LRRC14: variants seen among roughly 807,000 people sequenced by gnomAD.
LRRC14 encodes the protein leucine rich repeat containing 14.
Under a neutral mutation model 25.3 loss-of-function variants are expected in LRRC14, and 16 were observed. That is an observed-to-expected ratio of 0.63 (90% CI 0.43 to 0.96). The LOEUF (loss-of-function observed/expected upper bound fraction) is 0.96. Among genes scored for constraint, LRRC14 ranks in the 40% least tolerant of loss-of-function variants. The probability of loss-of-function intolerance (pLI) is 0.00; values close to 1 mark genes in which losing one functional copy is unlikely to be tolerated. For synonymous variants in LRRC14, 359 were observed against 295.1 expected, an observed-to-expected ratio of 1.22 and a Z score of -2.22; for missense variants, 594 against 660.5, an observed-to-expected ratio of 0.90 and a Z score of 1.10.
chr8:144,522,672 AG>A lies in LRRC14; in HGVS notation c.*1195del. The A allele has an allele frequency of 6.3e-7, 1 of 1,595,770 alleles. No homozygotes were observed. Among genetic ancestry groups the A allele is most frequent in the Non-Finnish European group, 8.5e-7 (1 of 1,172,440 alleles). On this transcript the variant is annotated 3_prime_UTR_variant, in exon 4 of 4. Transcript: ENST00000292524. ...GCGAACGTACAGGGGCCGTCCAAGTAGTCGTTGACGAACAGCGCTCCCTCCC... is the reference window on the plus strand; with the variant it reads ...GCGAACGTACAGGGGCCGTCCAAGTATCGTTGACGAACAGCGCTCCCTCCC...
chr8:144,524,917 C>A lies in LRRC14; in HGVS notation c.*3439C>A. 1 of 1,513,514 alleles carries A rather than the reference C, an allele frequency of 6.6e-7. No individual in the cohort carries two copies. The highest frequency in any genetic ancestry group is 1.2e-5 in the South Asian group (1 of 82,674). The allele number at this position is 1,513,514 out of a possible 1,614,324, so 93.8% of individuals were successfully genotyped here. On this transcript the variant is annotated 3_prime_UTR_variant, in exon 4 of 4. Transcript: ENST00000292524. ...CGGCAGGCTGCTGGGCAGCCGGCGG[C>A]GCGGAGCGGCAGTAGTAGCAGCAGC...
chr8:144,519,688 C>A lies in LRRC14; in HGVS notation c.-38C>A. The A allele has an allele frequency of 6.5e-7, 1 of 1,544,916 alleles. No homozygotes were observed. Among genetic ancestry groups the A allele is most frequent in the Non-Finnish European group, 8.8e-7 (1 of 1,138,440 alleles). ...TAGGGTCTCTCCTCCCTGCTGAAGT[C>A]CCTCTCCTGCAGGTGGCCGTCTGCC... On this transcript the variant is annotated 5_prime_UTR_variant, in exon 2 of 4. Coordinates refer to ENST00000292524, the MANE Select transcript of LRRC14 (RefSeq NM_014665.4).
chr8:144,519,584 T>C, intron 1 of LRRC14, 31 bp from the exon 2 acceptor site: 1 of 713,516 alleles, frequency 1.4e-6, no homozygotes, highest in African/African-American at 1.7e-5. Context: ...CTCTGTGCCA[T>C]GGCCACTGCT....
Position 144,524,920 on chromosome 8 carries a change from G to A in LRRC14, c.*3442G>A, listed in dbSNP as rs539958520. 3.3e-5 allele frequency: 50 copies of A among 1,513,628 alleles called. No individual in the cohort carries two copies. The Middle Eastern group carries it at 1.4e-3, about 42-fold the overall frequency. 93.8% of individuals were successfully genotyped at this position (1,513,628 alleles called of 1,614,324 possible). A position where few individuals can be genotyped will look rare whatever the true frequency, so the allele number is the denominator to read the frequency against. On this transcript the variant is annotated 3_prime_UTR_variant, in exon 4 of 4. Transcript: ENST00000292524. ...CAGGCTGCTGGGCAGCCGGCGGCGCGGAGCGGCAGTAGTAGCAGCAGCAGC... is the reference window on the plus strand; with the variant it reads ...CAGGCTGCTGGGCAGCCGGCGGCGCAGAGCGGCAGTAGTAGCAGCAGCAGC...
In LRRC14 at chr8:144,523,206, C is replaced by T. The variant is rs781225532; in HGVS notation, c.*1728C>T. 1.9e-6 allele frequency: 3 copies of T among 1,609,418 alleles called. No individual in the cohort carries two copies. In the South Asian group the frequency reaches 3.3e-5, roughly 18 times the overall value. On this transcript the variant is annotated 3_prime_UTR_variant, in exon 4 of 4. Transcript: ENST00000292524. Reference sequence around the variant, plus strand: ...ACCCGCAGGTCCTCACCCAGGTTGGCTGTGAGCTCCAGCGGCTGCACGTGG... The same window carrying T: ...ACCCGCAGGTCCTCACCCAGGTTGGTTGTGAGCTCCAGCGGCTGCACGTGG...
chr8:144,520,421 G>A lies in LRRC14; in HGVS notation c.513G>A (p.Leu171=). ...APIPVEVRVD[L]RVNRASYAFL... ...TCCCCGTGGAGGTGCGCGTGGACCTGCGGGTGAACCGGGCCTCCTATGCGT... is the reference window on the plus strand; with the variant it reads ...TCCCCGTGGAGGTGCGCGTGGACCTACGGGTGAACCGGGCCTCCTATGCGT... Residue 171 remains leucine, a synonymous_variant, in exon 3 of 4, where the codon CTG becomes CTA. Coordinates refer to ENST00000292524, the MANE Select transcript of LRRC14 (RefSeq NM_014665.4). 6.2e-7 allele frequency: 1 copy of A among 1,601,766 alleles called. No homozygotes were observed. The highest frequency in any genetic ancestry group is 8.5e-7 in the Non-Finnish European group (1 of 1,175,752).
Position 144,522,731 on chromosome 8 carries a change from C to G in LRRC14, c.*1253C>G, listed in dbSNP as rs755974916. 2.5e-6 allele frequency: 4 copies of G among 1,591,776 alleles called. No homozygotes were observed. The African/African-American group carries it at 5.4e-5, about 22-fold the overall frequency. On this transcript the variant is annotated 3_prime_UTR_variant, in exon 4 of 4. Transcript: ENST00000292524. Reference sequence around the variant, plus strand: ...CCCCCGCGCCTTTTTTCGCCTGCGGCGCCGGCGACAGATCATGGCGACCAG... The same window carrying G: ...CCCCCGCGCCTTTTTTCGCCTGCGGGGCCGGCGACAGATCATGGCGACCAG...
At position 144,523,633 on chromosome 8, in the gene LRRC14, C is replaced by A; in HGVS notation, c.*2155C>A. The A allele has an allele frequency of 3.6e-6, 2 of 558,636 alleles. No homozygotes were observed. Among genetic ancestry groups the A allele is most frequent in the Admixed American group, 3.8e-5 (1 of 26,038 alleles). The allele number at this position is 558,636 out of a possible 1,614,324, so 34.6% of individuals were successfully genotyped here. A position where few individuals can be genotyped will look rare whatever the true frequency, so the allele number is the denominator to read the frequency against. ...TTAGCTCTGTGATGCCTGCCTGTTA[C>A]AGATCACTTCTCCGTCGGTCTCTGA... On this transcript the variant is annotated 3_prime_UTR_variant, in exon 4 of 4. Transcript: ENST00000292524.
rs939757582 is a variant in LRRC14, at chr8:144,519,717, C to T, written c.-9C>T. On this transcript the variant is annotated 5_prime_UTR_variant, in exon 2 of 4. Coordinates refer to ENST00000292524, the MANE Select transcript of LRRC14 (RefSeq NM_014665.4). ...CTCCTGCAGGTGGCCGTCTGCCCGG[C>T]CCAGCACCATGCACACGCTTGTGTT... 6.2e-7 allele frequency: 1 copy of T among 1,605,356 alleles called. No individual in the cohort carries two copies. The highest frequency in any genetic ancestry group is 8.5e-7 in the Non-Finnish European group (1 of 1,176,606).
intron 1 of LRRC14, 63 bp from the exon 2 acceptor site, chr8:144,519,551 CG>C: frequency 1.6e-6 from 1 of 623,850 alleles, no homozygotes; most frequent in Non-Finnish European, 2.8e-6. Context: ...CCCAGCCCAG[CG>C]CTAGGCATCT....
rs752852041 is a variant in LRRC14, at chr8:144,520,581, G to T, written c.673G>T (p.Val225Leu). ...QLLDAGCLRR[V>L]DLRFNNLGLR... Reference sequence around the variant, plus strand: ...TCTGGATGCAGGCTGCCTGCGCCGCGTGGACCTGCGCTTCAACAATCTGGG... The same window carrying T: ...TCTGGATGCAGGCTGCCTGCGCCGCTTGGACCTGCGCTTCAACAATCTGGG... The change falls in exon 3 of 4, where the codon GTG (valine) becomes TTG (leucine). Residue 225 changes from valine (V) to leucine (L), a missense_variant. By Grantham distance (32) the Val-to-Leu change is conservative. Coordinates refer to ENST00000292524, the MANE Select transcript of LRRC14 (RefSeq NM_014665.4). 6.2e-7 allele frequency: 1 copy of T among 1,600,630 alleles called. No individual in the cohort carries two copies. Among genetic ancestry groups the T allele is most frequent in the Non-Finnish European group, 8.5e-7 (1 of 1,179,938 alleles).
Position 144,520,687 on chromosome 8 carries a change from G to A in LRRC14, c.779G>A (p.Gly260Glu). 2 of 1,600,670 alleles carry A rather than the reference G, an allele frequency of 1.2e-6. No homozygotes were observed. Among genetic ancestry groups the A allele is most frequent in the Middle Eastern group, 1.6e-4 (1 of 6,062 alleles). Residue 260 changes from glycine to glutamate, a missense_variant, in exon 3 of 4, where the codon GGG (glycine) becomes GAG (glutamate). Coordinates refer to ENST00000292524, the MANE Select transcript of LRRC14 (RefSeq NM_014665.4). ...LASLRLHYVH[G>E]DSRQPSVDGE... is the part of the protein sequence containing the mutation. ...AGCCTGCGGCTCCACTATGTGCATG[G>A]GGATTCAAGGCAGCCCTCCGTGGAT... is the stretch of plus-strand genomic sequence containing the variant.
intron 2 of LRRC14, 70 bp downstream of exon 2, chr8:144,520,124 TAA>T: frequency 6.4e-7 from 1 of 1,570,798 alleles, no homozygotes. Context: ...GCTTGGGTCA[TAA>T]AGTTAGCAAG....
At position 144,522,698 on chromosome 8, in the gene LRRC14, C is replaced by A. The variant is rs750273850; in HGVS notation, c.*1220C>A. On this transcript the variant is annotated 3_prime_UTR_variant, in exon 4 of 4. Coordinates refer to ENST00000292524, the MANE Select transcript of LRRC14 (RefSeq NM_014665.4). ...GTCGTTGACGAACAGCGCTCCCTCC[C>A]CCGGAGGCCCCCGCGCCTTTTTTCG... 4 of 1,595,766 alleles carry A rather than the reference C, an allele frequency of 2.5e-6. No individual in the cohort carries two copies. The highest frequency in any genetic ancestry group is 3.4e-6 in the Non-Finnish European group (4 of 1,172,380).
At chr8:144,519,021 T>C (rs1815725675) in intron 1 of LRRC14, among the ~76,000 whole-genome samples, 1 of 152,244 alleles carries the variant, frequency 6.6e-6, no homozygotes, top group East Asian at 1.9e-4. Flanking sequence ...GGTTGCTTTC[T>C]TTCGGGGTCT....
Position 144,523,256 on chromosome 8 carries a change from C to G in LRRC14, c.*1778C>G. ...GACAGAGGGCGGAATGCAGATGAGG[C>G]TGCTGTGGGATACGTCCAGGAGACT... On this transcript the variant is annotated 3_prime_UTR_variant, in exon 4 of 4. Coordinates refer to ENST00000292524, the MANE Select transcript of LRRC14 (RefSeq NM_014665.4). 6.2e-7 allele frequency: 1 copy of G among 1,610,652 alleles called. No individual in the cohort carries two copies. Among genetic ancestry groups the G allele is most frequent in the South Asian group, 1.1e-5 (1 of 90,808 alleles).
In LRRC14 at chr8:144,520,617, C is replaced by T. The variant is rs1815955696; in HGVS notation, c.709C>T (p.Leu237=). ...CTTCAACAATCTGGGCCTGCGCGGC[C>T]TGTCTGTGATCATCCCACACGTGGC... is the stretch of plus-strand genomic sequence containing the variant. ...LRFNNLGLRG[L]SVIIPHVARF... is the part of the protein sequence containing the mutation. The change falls in exon 3 of 4, where the codon CTG becomes TTG. Residue 237 remains leucine (L), a synonymous_variant. Coordinates refer to ENST00000292524, the MANE Select transcript of LRRC14 (RefSeq NM_014665.4). 1.2e-6 allele frequency: 2 copies of T among 1,601,810 alleles called. No homozygotes were observed. Among genetic ancestry groups the T allele is most frequent in the South Asian group, 1.1e-5 (1 of 91,086 alleles).
rs1256440057 is a variant in LRRC14 at position 144,524,723 on chromosome 8, C to CAGGCCGGGGA, written c.*3247_*3256dup. On this transcript the variant is annotated 3_prime_UTR_variant, in exon 4 of 4. Transcript: ENST00000292524. ...TGTTGTCCTGCAGGAACAGTGTCTG[C>CAGGCCGGGGA]AGGCCGGGGAAAGAGGAGGCGCTTA... 1 of 1,446,920 alleles carries CAGGCCGGGGA rather than the reference C, an allele frequency of 6.9e-7. No homozygotes were observed. Among genetic ancestry groups the CAGGCCGGGGA allele is most frequent in the Non-Finnish European group, 9.0e-7 (1 of 1,107,450 alleles). The allele number at this position is 1,446,920 out of a possible 1,614,324, so 89.6% of individuals were successfully genotyped here. A position where few individuals can be genotyped will look rare whatever the true frequency, so the allele number is the denominator to read the frequency against.
chr8:144,521,665 C>T lies in LRRC14; in HGVS notation c.*187C>T, dbSNP rs1413688372. On this transcript the variant is annotated 3_prime_UTR_variant, in exon 4 of 4. Transcript: ENST00000292524. Reference sequence around the variant, plus strand: ...GCAGTGCCCCACGCGGTTTTCCCTGCACTTGCTCCATAATTGGCTGATCAT... The same window carrying T: ...GCAGTGCCCCACGCGGTTTTCCCTGTACTTGCTCCATAATTGGCTGATCAT... 1.6e-6 allele frequency: 1 copy of T among 616,802 alleles called. No homozygotes were observed. The highest frequency in any genetic ancestry group is 1.8e-5 in the African/African-American group (1 of 54,250). 38.2% of individuals were successfully genotyped at this position (616,802 alleles called of 1,614,324 possible). A position where few individuals can be genotyped will look rare whatever the true frequency, so the allele number is the denominator to read the frequency against.
Sources: gnomAD v4.1 joint callset for allele counts (sites outside exome capture counted in the v4.1 genomes callset) on GRCh38, gnomAD v4.1.1 for gene constraint, MANE v1.5 for transcripts, NCBI Gene and HGNC (gene_info 2026-07-23, HGNC 2026-07-21) for gene names.